LOC128125817: variants seen among roughly 807,000 people sequenced by gnomAD.
At chr1:41,621,511 C>CTTCTG in the LOC128125817 span, among the ~76,000 whole-genome samples, 3 of 152,290 alleles carry the variant, frequency 2.0e-5, no homozygotes, top group African/African-American at 7.2e-5. Context: ...TCTTCTTCTT[C>CTTCTG]TTTTGTTTTG....
At chr1:41,626,494 C>T in the LOC128125817 span, among the ~76,000 whole-genome samples, 715 of 152,204 alleles carry the variant, frequency 4.7e-3, 3 homozygotes, top group African/African-American at 0.016. Context: ...AGTCTGGGCA[C>T]GAAGCGGGGG....
chr1:41,622,537 A>G, the LOC128125817 span, among the ~76,000 whole-genome samples: 1 of 152,168 alleles, frequency 6.6e-6, no homozygotes, highest in East Asian at 1.9e-4. Flanking sequence ...GAACACAACC[A>G]CGCCCATTTT....
the LOC128125817 span, among the ~76,000 whole-genome samples, chr1:41,619,951 G>A: frequency 6.6e-6 from 1 of 152,272 alleles, no homozygotes; most frequent in South Asian, 2.1e-4. Context: ...TGCACGTCTA[G>A]GAATCTCCAT....
At chr1:41,628,739 C>A in the LOC128125817 span, 2 of 1,231,974 alleles carry the variant, frequency 1.6e-6, no homozygotes, top group East Asian at 3.2e-5. Context: ...CAACAGCCCC[C>A]ATTTCCTACC....
chr1:41,600,587 T>G, the LOC128125817 span, among the ~76,000 whole-genome samples: 1 of 152,190 alleles, frequency 6.6e-6, no homozygotes, highest in Admixed American at 6.5e-5. Flanking sequence ...GGGTATACAG[T>G]TTCAGCTTTT....
At chr1:41,608,133 A>T in the LOC128125817 span, among the ~76,000 whole-genome samples, 5 of 152,174 alleles carry the variant, frequency 3.3e-5, no homozygotes, top group African/African-American at 1.2e-4. Flanking sequence ...GCTTCCCGTG[A>T]GGTGTCTCGT....
At chr1:41,622,745 G>A in the LOC128125817 span, among the ~76,000 whole-genome samples, 1 of 152,164 alleles carries the variant, frequency 6.6e-6, no homozygotes, top group African/African-American at 2.4e-5. Context: ...TATCACTCTC[G>A]GATCATGCTG....
At chr1:41,621,448 C>G in the LOC128125817 span, among the ~76,000 whole-genome samples, 1 of 152,244 alleles carries the variant, frequency 6.6e-6, no homozygotes, top group African/African-American at 2.4e-5. Context: ...GGCCTGCAGC[C>G]GTGGCCAGAC....
At chr1:41,599,757 A>G in the LOC128125817 span, among the ~76,000 whole-genome samples, 2 of 152,232 alleles carry the variant, frequency 1.3e-5, no homozygotes, top group Admixed American at 6.5e-5. Context: ...AAAATCTTCT[A>G]TGCGTGAAAG....
the LOC128125817 span, among the ~76,000 whole-genome samples, chr1:41,592,475 TGAG>T: frequency 6.6e-6 from 1 of 152,234 alleles, no homozygotes; most frequent in Admixed American, 6.5e-5. Flanking sequence ...GACCTTAAGC[TGAG>T]GAGAATTCCA....
the LOC128125817 span, among the ~76,000 whole-genome samples, chr1:41,605,553 GA>G: frequency 6.6e-6 from 1 of 151,848 alleles, no homozygotes; most frequent in African/African-American, 2.4e-5. Context: ...AGAGAAAAAA[GA>G]ACCAAAAAGA....
the LOC128125817 span, among the ~76,000 whole-genome samples, chr1:41,627,046 T>C: frequency 6.6e-6 from 1 of 152,162 alleles, no homozygotes; most frequent in East Asian, 1.9e-4. Context: ...GTACCAACCA[T>C]GTGGGCAGCA....
the LOC128125817 span, among the ~76,000 whole-genome samples, chr1:41,611,121 A>C: frequency 6.6e-6 from 1 of 152,170 alleles, no homozygotes; most frequent in African/African-American, 2.4e-5. Flanking sequence ...TGTATGTTAC[A>C]CTCCTGTTCT....
the LOC128125817 span, among the ~76,000 whole-genome samples, chr1:41,595,573 C>T: frequency 6.6e-6 from 1 of 152,116 alleles, no homozygotes; most frequent in African/African-American, 2.4e-5. Context: ...AAGAAAGAGA[C>T]TCTAGGTGGG....
the LOC128125817 span, among the ~76,000 whole-genome samples, chr1:41,599,098 T>C: frequency 7.8e-3 from 1,191 of 152,284 alleles, 17 homozygotes; most frequent in African/African-American, 0.027. Flanking sequence ...ATTACAAGTG[T>C]GAGCCACCAC....
the LOC128125817 span, among the ~76,000 whole-genome samples, chr1:41,589,752 G>A: frequency 5.3e-3 from 802 of 152,342 alleles, 3 homozygotes; most frequent in African/African-American, 9.0e-3. Context: ...CCAAGGAGCT[G>A]TTAGGCTAAG....
chr1:41,587,281 A>T, the LOC128125817 span, among the ~76,000 whole-genome samples: 1 of 152,236 alleles, frequency 6.6e-6, no homozygotes, highest in Admixed American at 6.5e-5. Flanking sequence ...ATATTTGTCA[A>T]TGAAAGACTG....
At chr1:41,586,036 T>C in the LOC128125817 span, among the ~76,000 whole-genome samples, 2 of 152,226 alleles carry the variant, frequency 1.3e-5, no homozygotes, top group African/African-American at 4.8e-5. Context: ...ACTTACAATC[T>C]GACACAGCTG....
chr1:41,626,275 C>T, the LOC128125817 span, among the ~76,000 whole-genome samples: 1 of 152,212 alleles, frequency 6.6e-6, no homozygotes, highest in African/African-American at 2.4e-5. Context: ...GCTGGGAGGG[C>T]CGTGCCAGCA....
Sources: gnomAD v4.1 joint callset for allele counts (sites outside exome capture counted in the v4.1 genomes callset) on GRCh38, gnomAD v4.1.1 for gene constraint, MANE v1.5 for transcripts.